Variants in XXYLT1 observed in about 807,000 individuals in gnomAD.
XXYLT1 encodes UDP-xylose:alpha-xyloside alpha-1,3-xylosyltransferase.
XXYLT1 carries 20 observed loss-of-function variants against 28.9 expected under a neutral mutation model. That is an observed-to-expected ratio of 0.69 (90% confidence interval 0.49 to 1.00). XXYLT1 has a LOEUF of 1.00. Among genes scored for constraint, XXYLT1 ranks in the 50% least tolerant of loss-of-function variants. The pLI, the probability that XXYLT1 is intolerant of heterozygous loss-of-function variation, is 0.00. For missense variants in XXYLT1, 542 were observed against 560.1 expected, an observed-to-expected ratio of 0.97 and a Z score of 0.33; for synonymous variants, 257 against 253.8, an observed-to-expected ratio of 1.01 and a Z score of -0.12.
At chr3:195,211,126 G>C (rs6801523) in intron 2 of XXYLT1, among the ~76,000 whole-genome samples, 2,550 of 152,366 alleles carry the variant, frequency 0.017, 73 homozygotes, top group African/African-American at 0.056. Context: ...GGGCATGGTA[G>C]CTCACGCCTG....
chr3:195,253,267 C>T (rs1301208083), intron 1 of XXYLT1, among the ~76,000 whole-genome samples: 1 of 152,076 alleles, frequency 6.6e-6, no homozygotes, highest in African/African-American at 2.4e-5. Context: ...CCCAAAGACT[C>T]CCGTAAATCA....
At chr3:195,169,030 A>G (rs1721265357) in intron 2 of XXYLT1, among the ~76,000 whole-genome samples, 1 of 152,218 alleles carries the variant, frequency 6.6e-6, no homozygotes, top group Non-Finnish European at 1.5e-5. Flanking sequence ...TATCCCTGAC[A>G]GTTCCGTGGG....
At chr3:195,219,947 AT>A (rs1219463384) in intron 2 of XXYLT1, among the ~76,000 whole-genome samples, 1 of 152,056 alleles carries the variant, frequency 6.6e-6, no homozygotes, top group Non-Finnish European at 1.5e-5. Context: ...CTTTTGAGGG[AT>A]TTTATAACAG....
chr3:195,153,924 G>C (rs891426816), intron 3 of XXYLT1: 1 of 152,344 alleles, frequency 6.6e-6, no homozygotes, highest in Non-Finnish European at 1.5e-5. Flanking sequence ...GGAGGACAAT[G>C]AGGGTCCGAA....
chr3:195,075,587 G>A (rs902284373), intron 3 of XXYLT1, among the ~76,000 whole-genome samples: 3 of 152,208 alleles, frequency 2.0e-5, no homozygotes, highest in South Asian at 2.1e-4. Flanking sequence ...GCCAGGAGGC[G>A]CAGAGGCTGT....
chr3:195,071,123 C>A (rs543136583), intron 3 of XXYLT1, among the ~76,000 whole-genome samples: 1 of 152,188 alleles, frequency 6.6e-6, no homozygotes, highest in Admixed American at 6.5e-5. Flanking sequence ...CAAGCCCACA[C>A]CCACAGAGGA....
chr3:195,134,822 G>C (rs1380763426), intron 3 of XXYLT1, among the ~76,000 whole-genome samples: 1 of 141,552 alleles, frequency 7.1e-6, no homozygotes, highest in Admixed American at 7.4e-5. Flanking sequence ...ATGGCGTGAA[G>C]AGGGGTGTGT....
At chr3:195,132,938 C>G (rs1718976417) in intron 3 of XXYLT1, among the ~76,000 whole-genome samples, 1 of 152,184 alleles carries the variant, frequency 6.6e-6, no homozygotes, top group African/African-American at 2.4e-5. Flanking sequence ...CTCTTTCTAC[C>G]AAAACCATAT....
At chr3:195,171,849 T>C (rs7649510) in intron 2 of XXYLT1, among the ~76,000 whole-genome samples, 6,421 of 152,334 alleles carry the variant, frequency 0.042, 473 homozygotes, top group African/African-American at 0.15. Context: ...TTTGTGACTT[T>C]ACTGGAGTCA....
At chr3:195,121,408 C>T (rs2108614628) in intron 3 of XXYLT1, among the ~76,000 whole-genome samples, 1 of 152,294 alleles carries the variant, frequency 6.6e-6, no homozygotes, top group South Asian at 2.1e-4. Flanking sequence ...CGCATCTCTG[C>T]TCCTTTAACT....
intron 1 of XXYLT1, among the ~76,000 whole-genome samples, chr3:195,249,570 G>A (rs1725170839): frequency 6.6e-6 from 1 of 152,224 alleles, no homozygotes; most frequent in African/African-American, 2.4e-5. Flanking sequence ...CGTGGCCAGA[G>A]AGGGGAAGGT....
At chr3:195,095,216 T>C (rs376729389) in intron 3 of XXYLT1, 56 of 152,888 alleles carry the variant, frequency 3.7e-4, no homozygotes, top group African/African-American at 1.3e-3. Flanking sequence ...CATGAGGTAA[T>C]GCAGTGTCTG....
intron 3 of XXYLT1, among the ~76,000 whole-genome samples, chr3:195,146,152 T>C (rs1273420984): frequency 6.6e-6 from 1 of 152,216 alleles, no homozygotes; most frequent in Non-Finnish European, 1.5e-5. Flanking sequence ...GCACCTGAGA[T>C]GGCCATGGAG....
intron 3 of XXYLT1, among the ~76,000 whole-genome samples, chr3:195,139,500 A>G (rs890640894): frequency 3.3e-5 from 5 of 152,172 alleles, no homozygotes; most frequent in African/African-American, 1.2e-4. Context: ...GCAGCCACGG[A>G]CGCTTTCACA....
At chr3:195,085,644 A>G (rs542792702) in intron 3 of XXYLT1, among the ~76,000 whole-genome samples, 1 of 152,308 alleles carries the variant, frequency 6.6e-6, no homozygotes, top group South Asian at 2.1e-4. Flanking sequence ...GCGAGCCACA[A>G]CCGTGTCTGG....
chr3:195,219,922 G>A (rs963759554), intron 2 of XXYLT1, among the ~76,000 whole-genome samples: 2 of 152,098 alleles, frequency 1.3e-5, no homozygotes, highest in Non-Finnish European at 1.5e-5. Flanking sequence ...GCAGAGGCTC[G>A]GGCCCAAATC....
chr3:195,169,869 A>ATAT (rs1165940696), intron 2 of XXYLT1, among the ~76,000 whole-genome samples: 40 of 123,232 alleles, frequency 3.2e-4, no homozygotes, highest in South Asian at 2.2e-3. Flanking sequence ...ATATATATAT[A>ATAT]TTTTTTTTTT....
intron 3 of XXYLT1, among the ~76,000 whole-genome samples, chr3:195,099,830 C>CAAAAAAAAAAAAAAAAAAAAAAAAAAA (rs35428286): frequency 1.0e-5 from 1 of 97,222 alleles, no homozygotes; most frequent in African/African-American, 3.4e-5. Flanking sequence ...GACTCTGTCT[C>CAAAAAAAAAAAAAAAAAAAAAAAAAAA]AAAAAAAAAA....
chr3:195,245,148 A>C (rs867372459), intron 1 of XXYLT1, among the ~76,000 whole-genome samples: 1 of 149,684 alleles, frequency 6.7e-6, no homozygotes, highest in Non-Finnish European at 1.5e-5. Flanking sequence ...CCTTATGTGT[A>C]GCCCAAGAAA....
Sources: allele counts gnomAD v4.1 joint callset (sites outside exome capture counted in the v4.1 genomes callset), GRCh38; gene constraint gnomAD v4.1.1; transcripts MANE v1.5; gene names NCBI Gene and HGNC (gene_info 2026-07-23, HGNC 2026-07-21).